IPO11: variants seen among roughly 807,000 people sequenced by gnomAD.
IPO11 encodes the protein importin 11, also known as importin-11.
A neutral mutation model predicts 143.2 loss-of-function variants in IPO11; 66 were observed. That is an observed-to-expected ratio of 0.46 (90% CI 0.38 to 0.57). The LOEUF is 0.57. Among genes scored for constraint, IPO11 ranks in the 20% least tolerant of loss-of-function variants. The probability of loss-of-function intolerance (pLI) is 0.00; values close to 1 mark genes in which losing one functional copy is unlikely to be tolerated. For missense variants in IPO11, 1,026 were observed against 1,141.0 expected, an observed-to-expected ratio of 0.90 and a Z score of 1.45; for synonymous variants, 385 against 377.8, an observed-to-expected ratio of 1.02 and a Z score of -0.22.
chr5:62,476,081 T>C (rs1745947244), intron 8 of IPO11, among the ~76,000 whole-genome samples: 1 of 152,228 alleles, frequency 6.6e-6, no homozygotes, highest in Non-Finnish European at 1.5e-5. Flanking sequence ...TGAATAAGAA[T>C]GTTCATATTG....
rs554577747 is a variant in IPO11 at position 62,600,279 on chromosome 5, CAG to C, written c.2679-1484_2679-1483del. On this transcript the variant is annotated intron_variant, in intron 28 of 29. Coordinates refer to ENST00000325324, the MANE Select transcript of IPO11 (RefSeq NM_016338.5). ...CAGGTTGGTCTCGAGCTTCTGACCT[CAG>C]GGGATTCACCCACCTCAGCCTCCCA... is the stretch of plus-strand genomic sequence containing the variant. Among the ~76,000 whole-genome samples the C allele has an allele frequency of 1.8e-4, 27 of 152,282 alleles. No homozygotes were observed. In the East Asian group the frequency reaches 5.0e-3, roughly 28 times the overall value.
chr5:62,473,253 A>G (rs1036229153), intron 7 of IPO11, among the ~76,000 whole-genome samples: 4 of 152,168 alleles, frequency 2.6e-5, no homozygotes, highest in Admixed American at 2.0e-4. Context: ...TCACGTTTCC[A>G]GAAGGTATAA....
chr5:62,582,986 C>G (rs1744626130), intron 27 of IPO11, among the ~76,000 whole-genome samples: 1 of 152,118 alleles, frequency 6.6e-6, no homozygotes, highest in Non-Finnish European at 1.5e-5. Flanking sequence ...CCACCAACCC[C>G]AAAGGGTTTT....
intron 24 of IPO11, among the ~76,000 whole-genome samples, chr5:62,548,733 G>A (rs1212120510): frequency 6.6e-6 from 1 of 152,120 alleles, no homozygotes; most frequent in Non-Finnish European, 1.5e-5. Context: ...AAGGGGAGAA[G>A]TTATATGAAG....
chr5:62,602,807 C>T (rs1745554444), intron 29 of IPO11, among the ~76,000 whole-genome samples: 1 of 152,130 alleles, frequency 6.6e-6, no homozygotes, highest in African/African-American at 2.4e-5. Flanking sequence ...AGGACAACAT[C>T]CAAAGATTCT....
At chr5:62,536,517 G>C (rs1392897843) in intron 22 of IPO11, among the ~76,000 whole-genome samples, 185 bp from the exon 23 acceptor site, 2 of 152,040 alleles carry the variant, frequency 1.3e-5, no homozygotes, top group Non-Finnish European at 2.9e-5. Flanking sequence ...ATTGGTGACT[G>C]TACCCTTTAA....
intron 20 of IPO11, among the ~76,000 whole-genome samples, chr5:62,516,529 A>T (rs962303332): frequency 3.3e-5 from 5 of 151,968 alleles, no homozygotes; most frequent in African/African-American, 1.2e-4. Flanking sequence ...CCTGACCTCA[A>T]GTGATCCGCC....
intron 29 of IPO11, among the ~76,000 whole-genome samples, chr5:62,604,691 C>T (rs755719687): frequency 7.9e-5 from 12 of 152,112 alleles, no homozygotes; most frequent in Non-Finnish European, 1.5e-4. Flanking sequence ...AAGTTACTTA[C>T]TACAGTAGAT....
intron 2 of IPO11, among the ~76,000 whole-genome samples, chr5:62,441,780 G>T (rs958854119): frequency 2.0e-5 from 3 of 151,340 alleles, no homozygotes; most frequent in Non-Finnish European, 4.4e-5. Flanking sequence ...GCCTCCCAGA[G>T]TGCAGGGATT....
intron 2 of IPO11, among the ~76,000 whole-genome samples, chr5:62,439,284 G>GT (rs1226593063): frequency 0.13 from 11,836 of 91,094 alleles, 1,538 homozygotes; most frequent in African/African-American, 0.23. Flanking sequence ...AACTGCGTAG[G>GT]TTTTTTTTTT....
intron 24 of IPO11, among the ~76,000 whole-genome samples, chr5:62,537,736 C>T (rs1013939860): frequency 2.1e-4 from 32 of 152,172 alleles, no homozygotes; most frequent in African/African-American, 7.0e-4. Context: ...TAGAATACCA[C>T]GTTTGTTGAT....
At chr5:62,435,212 G>GTATATATATGTATATATATGTA (rs1744173528) in intron 1 of IPO11, among the ~76,000 whole-genome samples, 2 of 79,678 alleles carry the variant, frequency 2.5e-5, no homozygotes, top group East Asian at 4.0e-4. Flanking sequence ...ATATATATGT[G>GTATATATATGTATATATATGTA]TATATATATA....
chr5:62,462,143 T>A (rs1210114641), intron 5 of IPO11, among the ~76,000 whole-genome samples: 1 of 152,176 alleles, frequency 6.6e-6, no homozygotes, highest in African/African-American at 2.4e-5. Flanking sequence ...AAATTGAAAG[T>A]TGCTTAAGGT....
intron 2 of IPO11, among the ~76,000 whole-genome samples, chr5:62,437,757 A>G (rs891257874): frequency 6.6e-6 from 1 of 152,166 alleles, no homozygotes; most frequent in Non-Finnish European, 1.5e-5. Context: ...TTATGTTGTC[A>G]TAGTTGTTCA....
At chr5:62,607,315 G>T (rs1745760194) in intron 29 of IPO11, among the ~76,000 whole-genome samples, 1 of 152,084 alleles carries the variant, frequency 6.6e-6, no homozygotes, top group South Asian at 2.1e-4. Context: ...AGGTTTTCTG[G>T]AAATCTTTAT....
At chr5:62,431,359 G>A (rs1396029342) in intron 1 of IPO11, among the ~76,000 whole-genome samples, 4 of 124,698 alleles carry the variant, frequency 3.2e-5, no homozygotes, top group African/African-American at 1.2e-4. Flanking sequence ...TTATCTAATT[G>A]TGCGCTTGCT....
chr5:62,427,349 A>G (rs1362803546), intron 1 of IPO11, among the ~76,000 whole-genome samples: 1 of 152,150 alleles, frequency 6.6e-6, no homozygotes, highest in African/African-American at 2.4e-5. Flanking sequence ...AGTAGGGAAG[A>G]GAAAGCAAGC....
intron 3 of IPO11, 185 bp downstream of exon 3, chr5:62,443,268 G>A: frequency 2.3e-6 from 1 of 443,038 alleles, no homozygotes; most frequent in Non-Finnish European, 4.0e-6. Context: ...GATTTGTGAA[G>A]TGTTTGATAT....
intron 24 of IPO11, among the ~76,000 whole-genome samples, chr5:62,543,675 C>G (rs1234086429): frequency 2.0e-5 from 3 of 152,030 alleles, no homozygotes; most frequent in Non-Finnish European, 2.9e-5. Flanking sequence ...TTTTTTGTGT[C>G]TCTATTTCCT....
Sources: gnomAD v4.1 joint callset for allele counts (sites outside exome capture counted in the v4.1 genomes callset) on GRCh38, gnomAD v4.1.1 for gene constraint, MANE v1.5 for transcripts, NCBI Gene and HGNC (gene_info 2026-07-23, HGNC 2026-07-21) for gene names.